ABLIM3: variants seen among roughly 807,000 people sequenced by gnomAD.
ABLIM3 encodes actin-binding LIM protein 3.
ABLIM3 carries 61 observed loss-of-function variants against 109.5 expected under a neutral mutation model. The ratio of observed to expected loss-of-function variants is 0.56; its 90% CI spans 0.45 to 0.69. The LOEUF is 0.69. Among genes scored for constraint, ABLIM3 ranks in the 30% least tolerant of loss-of-function variants. The pLI is 0.00. For missense variants in ABLIM3, 796 were observed against 889.5 expected, an observed-to-expected ratio of 0.89 and a Z score of 1.34; for synonymous variants, 300 against 324.8, an observed-to-expected ratio of 0.92 and a Z score of 0.82.
chr5:149,244,756 G>C, intron 15 of ABLIM3, 125 bp from the exon 16 acceptor site: 19 of 1,237,722 alleles, frequency 1.5e-5, no homozygotes, highest in Non-Finnish European at 2.2e-5. Flanking sequence ...AGTTCTAACA[G>C]AGAGCCCTGA....
At chr5:149,257,861 T>A (rs903664418) in intron 23 of ABLIM3, among the ~76,000 whole-genome samples, 3 of 152,166 alleles carry the variant, frequency 2.0e-5, no homozygotes, top group African/African-American at 7.2e-5. Context: ...TGTTAAAACA[T>A]CAGTAAGAGG....
At chr5:149,215,486 G>A (rs1759979621) in intron 7 of ABLIM3, among the ~76,000 whole-genome samples, 1 of 149,874 alleles carries the variant, frequency 6.7e-6, no homozygotes. Flanking sequence ...TCCAGAATAG[G>A]CAAGCCCATC....
In ABLIM3 at chr5:149,259,830, G is replaced by A. The variant is rs574586437; in HGVS notation, c.*1426G>A. On this transcript the variant is annotated 3_prime_UTR_variant, in exon 24 of 24. Coordinates refer to ENST00000309868, the MANE Select transcript of ABLIM3 (RefSeq NM_014945.5). ...CAATAATGACTCTCAAGAGGCTGGCGATGTGACATGGCAAATGTAGAACTG... is the reference window on the plus strand; with the variant it reads ...CAATAATGACTCTCAAGAGGCTGGCAATGTGACATGGCAAATGTAGAACTG... 3.0e-4 allele frequency: 163 copies of A among 549,250 alleles called. No homozygotes were observed. Among genetic ancestry groups the A allele is most frequent in the African/African-American group, 2.0e-3 (107 of 52,846 alleles). 34.0% of individuals were successfully genotyped at this position (549,250 alleles called of 1,614,324 possible). A position where few individuals can be genotyped will look rare whatever the true frequency, so the allele number is the denominator to read the frequency against.
At chr5:149,197,008 G>T (rs1363346193) in intron 3 of ABLIM3, among the ~76,000 whole-genome samples, 3 of 152,064 alleles carry the variant, frequency 2.0e-5, no homozygotes, top group African/African-American at 7.2e-5. Context: ...TTGCATCTCT[G>T]TTCAAAAGCC....
rs57000637 is a variant in ABLIM3 at position 149,174,021 on chromosome 5, C to CAA, written c.14-9408_14-9407dup. On this transcript the variant is annotated intron_variant, in intron 2 of 23. Transcript: ENST00000309868. ...TGGGCAACAGAGCGAGACTCCGTCT[C>CAA]AAAAAAAAAAAAAAAAAAAAAAAAG... 9.9e-3 allele frequency among the ~76,000 whole-genome samples: 391 copies of CAA among 39,424 alleles called. 8 individuals carry two copies. Among genetic ancestry groups the CAA allele is most frequent in the African/African-American group, 0.017 (193 of 11,146 alleles). The allele number at this position is 39,424 out of a possible 152,430, so 25.9% of individuals were successfully genotyped here.
intron 8 of ABLIM3, among the ~76,000 whole-genome samples, chr5:149,226,198 A>G (rs1761262921): frequency 6.6e-6 from 1 of 151,802 alleles, no homozygotes; most frequent in South Asian, 2.1e-4. Flanking sequence ...TGAAAAAAAA[A>G]TCCAGAGGCC....
chr5:149,142,160 G>A (rs756302106), intron 2 of ABLIM3, 52 bp downstream of exon 2: 58 of 1,580,966 alleles, frequency 3.7e-5, no homozygotes, highest in Non-Finnish European at 5.0e-5. Flanking sequence ...GGGGCGGGAG[G>A]TGAGGGAGCC....
Position 149,151,469 on chromosome 5 carries a change from G to C in ABLIM3, c.13+9361G>C, listed in dbSNP as rs117367568. Among the ~76,000 whole-genome samples, 11 of 152,356 alleles carry C rather than the reference G, an allele frequency of 7.2e-5. No individual in the cohort carries two copies. In the East Asian group the frequency reaches 1.9e-3, roughly 27 times the overall value. On this transcript the variant is annotated intron_variant, in intron 2 of 23. Transcript: ENST00000309868. ...TGACTCCTCAAGGAGATTTTCTTGT[G>C]TTTTGGTTTCCCCTGAATGTCAGCC...
chr5:149,148,271 G>A (rs936677698), intron 2 of ABLIM3, among the ~76,000 whole-genome samples: 5 of 152,128 alleles, frequency 3.3e-5, no homozygotes, highest in Admixed American at 6.5e-5. Context: ...GGAGTGAGGT[G>A]GTGGGCAGAC....
chr5:149,216,112 C>A (rs1760051979), intron 7 of ABLIM3, among the ~76,000 whole-genome samples: 1 of 152,204 alleles, frequency 6.6e-6, no homozygotes, highest in African/African-American at 2.4e-5. Context: ...AAAATAGTCA[C>A]AGGACTGGCC....
At chr5:149,185,780 C>A (rs4267859) in intron 3 of ABLIM3, among the ~76,000 whole-genome samples, 54,063 of 152,046 alleles carry the variant, frequency 0.36, 9,765 homozygotes, top group East Asian at 0.51. Flanking sequence ...TTATGAATTT[C>A]TTTTACGACT....
intron 5 of ABLIM3, among the ~76,000 whole-genome samples, chr5:149,201,043 G>A (rs1340546075): frequency 2.0e-5 from 3 of 152,142 alleles, no homozygotes; most frequent in Non-Finnish European, 4.4e-5. Context: ...AGGGATAAAG[G>A]CAGCATCTGT....
intron 8 of ABLIM3, 59 bp downstream of exon 8, chr5:149,217,105 G>C: frequency 1.4e-6 from 2 of 1,478,542 alleles, no homozygotes; most frequent in Non-Finnish European, 1.9e-6. Context: ...GAAAGGAGAT[G>C]CGATCTTCAG....
At chr5:149,221,308 G>T (rs946221201) in intron 8 of ABLIM3, among the ~76,000 whole-genome samples, 1 of 152,200 alleles carries the variant, frequency 6.6e-6, no homozygotes, top group Non-Finnish European at 1.5e-5. Flanking sequence ...GAGAGTGAAT[G>T]TGAAGGCACT....
At chr5:149,249,298 A>G (rs1001511929) in intron 18 of ABLIM3, among the ~76,000 whole-genome samples, 5 of 152,248 alleles carry the variant, frequency 3.3e-5, no homozygotes, top group Admixed American at 3.3e-4. Context: ...GTCAGGCACT[A>G]TGCTAAGTAT....
At chr5:149,240,586 C>A in intron 13 of ABLIM3, 90 bp from the exon 14 acceptor site, 1 of 1,023,318 alleles carries the variant, frequency 9.8e-7, no homozygotes, top group East Asian at 2.4e-5. Flanking sequence ...CTGCTGTCAT[C>A]ACCTCACCAC....
chr5:149,190,697 G>A (rs1353514947), intron 3 of ABLIM3, among the ~76,000 whole-genome samples: 35 of 151,930 alleles, frequency 2.3e-4, no homozygotes, highest in Admixed American at 2.3e-3. Flanking sequence ...AACAAAAACT[G>A]TTAAAATAAA....
At chr5:149,246,012 A>C (rs1369687569) in intron 16 of ABLIM3, among the ~76,000 whole-genome samples, 2 of 152,048 alleles carry the variant, frequency 1.3e-5, no homozygotes, top group Non-Finnish European at 2.9e-5. Flanking sequence ...AATTTTTAAA[A>C]ATTATCTGGG....
intron 2 of ABLIM3, among the ~76,000 whole-genome samples, chr5:149,161,271 A>G (rs1032958413): frequency 6.6e-6 from 1 of 152,224 alleles, no homozygotes; most frequent in Non-Finnish European, 1.5e-5. Context: ...CTCCTTAGCC[A>G]GTAGCAAAGT....
Sources: allele counts gnomAD v4.1 joint callset (sites outside exome capture counted in the v4.1 genomes callset), GRCh38; gene constraint gnomAD v4.1.1; transcripts MANE v1.5; gene names NCBI Gene and HGNC (gene_info 2026-07-23, HGNC 2026-07-21).